Variants in DKK1 observed in about 807,000 individuals in gnomAD.
DKK1 encodes the protein dickkopf-related protein 1.
DKK1 carries 18 observed loss-of-function variants against 26.0 expected under a neutral mutation model. The observed-to-expected ratio is 0.69, with a 90% CI of 0.48 to 1.03. DKK1 has a LOEUF of 1.03. Among genes scored for constraint, DKK1 ranks in the 50% least tolerant of loss-of-function variants. The pLI is 0.00. For synonymous variants in DKK1, 130 were observed against 132.6 expected, an observed-to-expected ratio of 0.98 and a Z score of 0.13; for missense variants, 335 against 348.5, an observed-to-expected ratio of 0.96 and a Z score of 0.31.
rs748736328 is a variant in DKK1, at chr10:52,314,693, C to T, written c.243+16C>T. The stretch of plus-strand genomic sequence containing the variant: ...CAACTACCAGGTGAGAGGGGTCGGG[C>T]ACTCAGAGGATGCTCTGACCTTGAA... On this transcript the variant is annotated intron_variant, in intron 1 of 3. Coordinates refer to ENST00000373970, the MANE Select transcript of DKK1 (RefSeq NM_012242.4). This position sits in a 1 kb window ranked among gnomAD's most constrained non-coding sequence, Gnocchi z 5.7. 7 of 1,610,522 alleles carry T rather than the reference C, an allele frequency of 4.3e-6. No individual in the cohort carries two copies. In the East Asian group the frequency reaches 1.6e-4, roughly 36 times the overall value.
chr10:52,316,825 A>C lies in DKK1; in HGVS notation c.*18A>C. On this transcript the variant is annotated 3_prime_UTR_variant, in exon 4 of 4. Transcript: ENST00000373970. ...GACACTAAACCAGCTATCCAAATGC[A>C]GTGAACTCCTTTTATATAATAGATG... The C allele has an allele frequency of 6.2e-7, 1 of 1,612,224 alleles. No homozygotes were observed. Among genetic ancestry groups the C allele is most frequent in the Non-Finnish European group, 8.5e-7 (1 of 1,179,168 alleles).
chr10:52,316,884 A>G lies in DKK1; in HGVS notation c.*77A>G, dbSNP rs1056908952. On this transcript the variant is annotated 3_prime_UTR_variant, in exon 4 of 4. Transcript: ENST00000373970. The stretch of plus-strand genomic sequence containing the variant: ...ACCTTTTATGACCTTCATCAACTCA[A>G]TCCTAAGGATATACAAGTTCTGTGG... 6.0e-6 allele frequency: 9 copies of G among 1,497,766 alleles called. No homozygotes were observed. In the African/African-American group the frequency reaches 9.8e-5, roughly 16 times the overall value. The allele number at this position is 1,497,766 out of a possible 1,614,324, so 92.8% of individuals were successfully genotyped here.
At position 52,314,663 on chromosome 10, in the gene DKK1, A is replaced by G; in HGVS notation, c.229A>G (p.Ile77Val). 1 of 1,612,848 alleles carries G rather than the reference A, an allele frequency of 6.2e-7. No homozygotes were observed. Among genetic ancestry groups the G allele is most frequent in the Non-Finnish European group, 8.5e-7 (1 of 1,179,764 alleles). The change falls in exon 1 of 4, where the codon ATT becomes GTT. Residue 77 changes from isoleucine (I) to valine (V), a missense_variant. Ile to Val is a conservative substitution (Grantham distance 29). Transcript: ENST00000373970. This position sits in a 1 kb window ranked among gnomAD's most constrained non-coding sequence, Gnocchi z 5.7. Reference sequence around the variant, plus strand: ...CCCGGGCGGGAATAAGTACCAGACCATTGACAACTACCAGGTGAGAGGGGT... The same window carrying G: ...CCCGGGCGGGAATAAGTACCAGACCGTTGACAACTACCAGGTGAGAGGGGT... Reference protein sequence around the residue: ...LYPGGNKYQTIDNYQPYPCAE... With the variant: ...LYPGGNKYQTVDNYQPYPCAE...
chr10:52,316,182 C>T, intron 2 of DKK1, 113 bp from the exon 3 acceptor site: 2 of 1,303,554 alleles, frequency 1.5e-6, no homozygotes, highest in Non-Finnish European at 2.1e-6. Context: ...AAAATGATGT[C>T]ACTGCAATGA....
At position 52,316,876 on chromosome 10, in the gene DKK1, T is replaced by A; in HGVS notation, c.*69T>A. On this transcript the variant is annotated 3_prime_UTR_variant, in exon 4 of 4. Transcript: ENST00000373970. ...CTATGAAAACCTTTTATGACCTTCA[T>A]CAACTCAATCCTAAGGATATACAAG... 6.5e-7 allele frequency: 1 copy of A among 1,534,268 alleles called. No individual in the cohort carries two copies. The highest frequency in any genetic ancestry group is 1.8e-5 in the Admixed American group (1 of 54,652).
Position 52,316,925 on chromosome 10 carries a change from C to T in DKK1, c.*118C>T. On this transcript the variant is annotated 3_prime_UTR_variant, in exon 4 of 4. Transcript: ENST00000373970. Reference sequence around the variant, plus strand: ...AGTTCTGTGGTTTCAGTTAAGCATTCCAATAACACCTTCCAAAAACCTGGA... The same window carrying T: ...AGTTCTGTGGTTTCAGTTAAGCATTTCAATAACACCTTCCAAAAACCTGGA... 1.7e-6 allele frequency: 2 copies of T among 1,180,302 alleles called. No homozygotes were observed. The highest frequency in any genetic ancestry group is 2.4e-6 in the Non-Finnish European group (2 of 846,494). 73.1% of individuals were successfully genotyped at this position (1,180,302 alleles called of 1,614,324 possible).
rs777138901 is a variant in DKK1 at position 52,314,618 on chromosome 10, G to C, written c.184G>C (p.Ala62Pro). ...GGGGCACCCAGGCTCTGCAGTCAGC[G>C]CCGCGCCGGGAATCCTGTACCCGGG... ...AAGHPGSAVSAAPGILYPGGN... is the reference protein window; with the variant it reads ...AAGHPGSAVSPAPGILYPGGN... The change falls in exon 1 of 4, where the codon GCC (alanine) becomes CCC (proline). Residue 62 changes from alanine to proline, a missense_variant. Coordinates refer to ENST00000373970, the MANE Select transcript of DKK1 (RefSeq NM_012242.4). The surrounding 1 kb of genome is among the most constrained non-coding windows in gnomAD (Gnocchi z 5.7). The C allele has an allele frequency of 3.7e-6, 6 of 1,613,256 alleles. No individual in the cohort carries two copies. The highest frequency in any genetic ancestry group is 5.1e-6 in the Non-Finnish European group (6 of 1,179,980).
intron 3 of DKK1, 44 bp downstream of exon 3, chr10:52,316,479 T>G (rs780036558): frequency 6.2e-7 from 1 of 1,610,018 alleles, no homozygotes; most frequent in East Asian, 2.2e-5. Flanking sequence ...GAAGTGTCTT[T>G]TGAATTATTT....
At chr10:52,315,480 T>C (rs11815201) in intron 2 of DKK1, among the ~76,000 whole-genome samples, 63,283 of 152,036 alleles carry the variant, frequency 0.42, 13,849 homozygotes, top group Middle Eastern at 0.58. Flanking sequence ...CGTTCAGCTG[T>C]CCTTTTCATT....
chr10:52,314,991 G>T lies in DKK1; in HGVS notation c.312G>T (p.Gly104=), dbSNP rs780678889. 1.2e-6 allele frequency: 2 copies of T among 1,604,188 alleles called. No homozygotes were observed. The highest frequency in any genetic ancestry group is 1.7e-5 in the Admixed American group (1 of 59,638). ...ACTGCGCTAGTCCCACCCGCGGAGG[G>T]GACGCAGGCGTGCAAATCTGTCTCG... ...DEYCASPTRG[G]DAGVQICLAC... is the part of the protein sequence containing the mutation. The change falls in exon 2 of 4, where the codon GGG becomes GGT. Residue 104 remains glycine (G), a synonymous_variant. Coordinates refer to ENST00000373970, the MANE Select transcript of DKK1 (RefSeq NM_012242.4). The surrounding 1 kb of genome is among the most constrained non-coding windows in gnomAD (Gnocchi z 5.7).
At position 52,316,557 on chromosome 10, in the gene DKK1, A is replaced by C. The variant is rs1448696852; in HGVS notation, c.551A>C (p.Gln184Pro). 6.2e-7 allele frequency: 1 copy of C among 1,613,892 alleles called. No individual in the cohort carries two copies. Among genetic ancestry groups the C allele is most frequent in the Non-Finnish European group, 8.5e-7 (1 of 1,179,982 alleles). The stretch of plus-strand genomic sequence containing the variant: ...CCTACTGTCTTCTCCTTCGTAGGAC[A>C]AGAAGGTTCTGTTTGTCTCCGGTCA... ...LSSKMYHTKG[Q>P]EGSVCLRSSD... The change falls in exon 4 of 4, where the codon CAA becomes CCA. Residue 184 changes from glutamine to proline, a missense_variant. Physicochemically the swap from Gln to Pro is moderately conservative, Grantham distance 76. Coordinates refer to ENST00000373970, the MANE Select transcript of DKK1 (RefSeq NM_012242.4).
chr10:52,314,955 C>A lies in DKK1; in HGVS notation c.276C>A (p.Gly92=). ...PYPCAEDEEC[G]TDEYCASPTR... is the part of the protein sequence containing the mutation. ...CGTGCGCAGAGGACGAGGAGTGCGGCACTGATGAGTACTGCGCTAGTCCCA... is the reference window on the plus strand; with the variant it reads ...CGTGCGCAGAGGACGAGGAGTGCGGAACTGATGAGTACTGCGCTAGTCCCA... Residue 92 remains glycine, a synonymous_variant, in exon 2 of 4, where the codon GGC becomes GGA. Coordinates refer to ENST00000373970, the MANE Select transcript of DKK1 (RefSeq NM_012242.4). The surrounding 1 kb of genome is among the most constrained non-coding windows in gnomAD (Gnocchi z 5.7). 1 of 1,579,880 alleles carries A rather than the reference C, an allele frequency of 6.3e-7. No homozygotes were observed. The highest frequency in any genetic ancestry group is 8.6e-7 in the Non-Finnish European group (1 of 1,157,044).
At chr10:52,315,696 T>G (rs1842609822) in intron 2 of DKK1, among the ~76,000 whole-genome samples, 2 of 152,054 alleles carry the variant, frequency 1.3e-5, no homozygotes, top group Admixed American at 1.3e-4. Context: ...CAACCACAGA[T>G]CCACTAACTT....
chr10:52,314,539 G>T lies in DKK1; in HGVS notation c.105G>T (p.Ser35=), dbSNP rs527963973. 6.2e-7 allele frequency: 1 copy of T among 1,613,780 alleles called. No individual in the cohort carries two copies. The highest frequency in any genetic ancestry group is 1.7e-5 in the Admixed American group (1 of 60,026). ...PLLGVSATLN[S]VLNSNAIKNL... ...TGGGAGTGAGCGCCACCTTGAACTC[G>T]GTTCTCAATTCCAACGCTATCAAGA... The change falls in exon 1 of 4, where the codon TCG becomes TCT. Residue 35 remains serine (S), a synonymous_variant. Coordinates refer to ENST00000373970, the MANE Select transcript of DKK1 (RefSeq NM_012242.4). This position sits in a 1 kb window ranked among gnomAD's most constrained non-coding sequence, Gnocchi z 5.7.
Position 52,314,547 on chromosome 10 carries a change from A to G in DKK1, c.113A>G (p.Asn38Ser), listed in dbSNP as rs1415670976. Residue 38 changes from asparagine to serine, a missense_variant, in exon 1 of 4, where the codon AAT becomes AGT. Asn to Ser is a conservative substitution (Grantham distance 46, BLOSUM62 1). Transcript: ENST00000373970. The surrounding 1 kb of genome is among the most constrained non-coding windows in gnomAD (Gnocchi z 5.7). ...AGCGCCACCTTGAACTCGGTTCTCAATTCCAACGCTATCAAGAACCTGCCC... is the reference window on the plus strand; with the variant it reads ...AGCGCCACCTTGAACTCGGTTCTCAGTTCCAACGCTATCAAGAACCTGCCC... ...GVSATLNSVL[N>S]SNAIKNLPPP... The G allele has an allele frequency of 5.6e-6, 9 of 1,613,698 alleles. No homozygotes were observed. The highest frequency in any genetic ancestry group is 2.2e-5 in the South Asian group (2 of 91,064).
rs778616429 is a variant in DKK1 at position 52,316,640 on chromosome 10, C to T, written c.634C>T (p.Pro212Ser). Reference sequence around the variant, plus strand: ...ACACTTCTGGTCCAAGATCTGTAAACCTGTCCTGAAAGAAGGTCAAGTGTG... The same window carrying T: ...ACACTTCTGGTCCAAGATCTGTAAATCTGTCCTGAAAGAAGGTCAAGTGTG... ...ARHFWSKICK[P>S]VLKEGQVCTK... is the part of the protein sequence containing the mutation. Residue 212 changes from proline (P) to serine (S), a missense_variant, in exon 4 of 4, where the codon CCT becomes TCT. Coordinates refer to ENST00000373970, the MANE Select transcript of DKK1 (RefSeq NM_012242.4). The T allele has an allele frequency of 1.2e-5, 20 of 1,613,986 alleles. No individual in the cohort carries two copies. The East Asian group carries it at 4.5e-4, about 36-fold the overall frequency.
chr10:52,316,064 A>G (rs1247130164), intron 2 of DKK1, among the ~76,000 whole-genome samples: 3 of 152,234 alleles, frequency 2.0e-5, no homozygotes, highest in African/African-American at 7.2e-5. Flanking sequence ...TTAAATGGCT[A>G]TACTGGGGAT....
chr10:52,314,825 G>A lies in DKK1; in HGVS notation c.244-98G>A, dbSNP rs1842599804. On this transcript the variant is annotated intron_variant, in intron 1 of 3. Coordinates refer to ENST00000373970, the MANE Select transcript of DKK1 (RefSeq NM_012242.4). This position sits in a 1 kb window ranked among gnomAD's most constrained non-coding sequence, Gnocchi z 5.7. ...GCAGTGGGCAGTAACAGGTTTTGGA[G>A]AGGTGGACAGATAAGGACTGTGATC... 1.4e-6 allele frequency: 2 copies of A among 1,474,904 alleles called. No individual in the cohort carries two copies. The highest frequency in any genetic ancestry group is 5.0e-5 in the Admixed American group (2 of 40,250). The allele number at this position is 1,474,904 out of a possible 1,614,324, so 91.4% of individuals were successfully genotyped here.
In DKK1 at chr10:52,316,756, T is replaced by C. The variant is rs746900932; in HGVS notation, c.750T>C (p.Asp250=). 9.9e-6 allele frequency: 16 copies of C among 1,614,160 alleles called. No individual in the cohort carries two copies. Among genetic ancestry groups the C allele is most frequent in the Admixed American group, 1.7e-5 (1 of 60,018 alleles). The change falls in exon 4 of 4, where the codon GAT becomes GAC. Residue 250 remains aspartate (D), a synonymous_variant. Transcript: ENST00000373970. ...GTCTGTCTTGCCGGATACAGAAAGA[T>C]CACCATCAAGCCAGTAATTCTTCTA... ...GEGLSCRIQK[D]HHQASNSSRL... is the part of the protein sequence containing the mutation.
Sources: gnomAD v4.1 joint callset for allele counts (sites outside exome capture counted in the v4.1 genomes callset) on GRCh38, gnomAD v4.1.1 for gene constraint, Gnocchi (gnomAD v3.1) non-coding constraint, MANE v1.5 for transcripts, NCBI Gene and HGNC (gene_info 2026-07-23, HGNC 2026-07-21) for gene names.